PTPRD: variants seen among roughly 807,000 people sequenced by gnomAD.
PTPRD encodes the protein receptor-type tyrosine-protein phosphatase delta.
A neutral mutation model predicts 214.5 loss-of-function variants in PTPRD; 34 were observed. The observed-to-expected ratio is 0.16, with a 90% CI of 0.12 to 0.21. PTPRD has a LOEUF of 0.21. Among genes scored for constraint, PTPRD ranks in the 10% least tolerant of loss-of-function variants. The pLI is 1.00. For missense variants in PTPRD, 2,545 were observed against 2,398.7 expected, an observed-to-expected ratio of 1.06 and a Z score of -1.27; for synonymous variants, 1,128 against 845.7, an observed-to-expected ratio of 1.33 and a Z score of -5.79.
At chr9:8,557,469 G>A (rs1225093849) in intron 14 of PTPRD, among the ~76,000 whole-genome samples, 5 of 133,854 alleles carry the variant, frequency 3.7e-5, no homozygotes, top group South Asian at 2.1e-4. Context: ...TGGGCCGGGC[G>A]CGGTGGCTCA....
intron 8 of PTPRD, among the ~76,000 whole-genome samples, chr9:9,498,052 T>C (rs1360981517): frequency 2.0e-5 from 3 of 152,156 alleles, no homozygotes; most frequent in East Asian, 1.9e-4. Flanking sequence ...CAAAGGGATC[T>C]TTAAGTGTTT....
chr9:9,152,009 G>A (rs544646821), intron 10 of PTPRD, among the ~76,000 whole-genome samples: 8 of 152,184 alleles, frequency 5.3e-5, no homozygotes, highest in Non-Finnish European at 1.0e-4. Flanking sequence ...TTAGATGAGT[G>A]AGAGTAACAC....
intron 11 of PTPRD, among the ~76,000 whole-genome samples, chr9:8,903,493 G>T (rs2098686797): frequency 6.6e-6 from 1 of 152,158 alleles, no homozygotes; most frequent in South Asian, 2.1e-4. Context: ...TATGCATTTG[G>T]ATTAAATCAA....
At chr9:9,736,708 A>T (rs945700954) in intron 6 of PTPRD, among the ~76,000 whole-genome samples, 2 of 151,898 alleles carry the variant, frequency 1.3e-5, no homozygotes, top group African/African-American at 2.4e-5. Flanking sequence ...GTGCATTTTC[A>T]TATGTTTATT....
chr9:10,218,032 A>G (rs2154346764), intron 3 of PTPRD, among the ~76,000 whole-genome samples: 1 of 152,012 alleles, frequency 6.6e-6, no homozygotes, highest in East Asian at 1.9e-4. Context: ...TTCTGTTAAT[A>G]TAACATAAAT....
At chr9:10,178,228 G>C (rs1314965601) in intron 3 of PTPRD, among the ~76,000 whole-genome samples, 1 of 151,884 alleles carries the variant, frequency 6.6e-6, no homozygotes, top group Non-Finnish European at 1.5e-5. Flanking sequence ...CCAATGGAAA[G>C]CTAGAGTTTT....
chr9:8,526,365 TG>T (rs764497009), intron 17 of PTPRD, among the ~76,000 whole-genome samples: 1 of 151,734 alleles, frequency 6.6e-6, no homozygotes, highest in Non-Finnish European at 1.5e-5. Flanking sequence ...TCTAAAGACC[TG>T]GATATGCTTT....
chr9:9,315,833 C>CTTTTTT (rs566821610), intron 9 of PTPRD, among the ~76,000 whole-genome samples: 19 of 93,314 alleles, frequency 2.0e-4, no homozygotes, highest in Non-Finnish European at 3.2e-4. Context: ...TAGCAGACAA[C>CTTTTTT]TTTTTTTTTT....
chr9:8,345,914 A>G (rs1857167202), intron 39 of PTPRD, among the ~76,000 whole-genome samples: 1 of 152,040 alleles, frequency 6.6e-6, no homozygotes. Flanking sequence ...CCAGTCCCCA[A>G]AATGTAGATA....
rs541879647 is a variant in PTPRD at position 8,800,319 on chromosome 9, T to C, written c.-103-66373A>G. ...AGGCATGTGAGCCAGAGCAACTCCATCTTGAATAGGGGCTGGGTAAAACAA... is the reference window on the plus strand; with the variant it reads ...AGGCATGTGAGCCAGAGCAACTCCACCTTGAATAGGGGCTGGGTAAAACAA... On this transcript the variant is annotated intron_variant, in intron 11 of 45. Coordinates refer to ENST00000381196, the MANE Select transcript of PTPRD (RefSeq NM_002839.4). Among the ~76,000 whole-genome samples, 219 of 152,256 alleles carry C rather than the reference T, an allele frequency of 1.4e-3. 1 individual carries two copies. Among genetic ancestry groups the C allele is most frequent in the Admixed American group, 3.1e-3 (47 of 15,292 alleles).
chr9:10,057,635 G>C (rs1290718319), intron 3 of PTPRD, among the ~76,000 whole-genome samples: 1 of 152,090 alleles, frequency 6.6e-6, no homozygotes, highest in Non-Finnish European at 1.5e-5. Flanking sequence ...ACGAGGTCAG[G>C]AGTTACAGAC....
chr9:8,574,086 T>C (rs1014395708), intron 14 of PTPRD, among the ~76,000 whole-genome samples: 4 of 151,872 alleles, frequency 2.6e-5, no homozygotes, highest in African/African-American at 9.7e-5. Context: ...CCATCTCAAC[T>C]CCTGTGCAAA....
intron 14 of PTPRD, among the ~76,000 whole-genome samples, chr9:8,626,288 T>C (rs543746080): frequency 6.6e-6 from 1 of 151,998 alleles, no homozygotes; most frequent in South Asian, 2.1e-4. Flanking sequence ...AGTATTTTAG[T>C]AAACTCCTTT....
chr9:8,646,391 C>T (rs2154340087), intron 12 of PTPRD, among the ~76,000 whole-genome samples: 1 of 152,302 alleles, frequency 6.6e-6, no homozygotes, highest in East Asian at 1.9e-4. Flanking sequence ...TAGCTTACTC[C>T]TGCAAACTAA....
intron 2 of PTPRD, among the ~76,000 whole-genome samples, chr9:10,465,291 C>G (rs941805942): frequency 6.6e-6 from 1 of 152,154 alleles, no homozygotes; most frequent in Admixed American, 6.5e-5. Flanking sequence ...ACCTGCCACA[C>G]TAGCCGCAAC....
chr9:10,102,854 G>A (rs570724941), intron 3 of PTPRD, among the ~76,000 whole-genome samples: 7 of 151,696 alleles, frequency 4.6e-5, no homozygotes, highest in African/African-American at 1.7e-4. Context: ...TCTTACAATG[G>A]AAAACTGCTC....
intron 39 of PTPRD, among the ~76,000 whole-genome samples, chr9:8,347,403 G>A (rs776713049): frequency 1.4e-4 from 21 of 152,036 alleles, no homozygotes; most frequent in Admixed American, 5.2e-4. Context: ...CTGAGACATC[G>A]AAGAAGGAAT....
chr9:10,582,077 C>G (rs2072078566), intron 2 of PTPRD, among the ~76,000 whole-genome samples: 1 of 152,088 alleles, frequency 6.6e-6, no homozygotes, highest in Admixed American at 6.6e-5. Context: ...GAAATTTAGT[C>G]AGGTGCTTCT....
intron 3 of PTPRD, among the ~76,000 whole-genome samples, chr9:10,082,051 A>T (rs1246873491): frequency 1.3e-5 from 2 of 152,036 alleles, no homozygotes; most frequent in East Asian, 3.9e-4. Context: ...ATCAACAATA[A>T]ATCTGTGTGT....
Sources: gnomAD v4.1 joint callset for allele counts (sites outside exome capture counted in the v4.1 genomes callset) on GRCh38, gnomAD v4.1.1 for gene constraint, MANE v1.5 for transcripts, NCBI Gene and HGNC (gene_info 2026-07-23, HGNC 2026-07-21) for gene names.